CADPS: variants seen among roughly 807,000 people sequenced by gnomAD.
The protein encoded by CADPS is calcium-dependent secretion activator 1.
CADPS carries 57 observed loss-of-function variants against 167.3 expected under a neutral mutation model. The observed-to-expected ratio is 0.34, with a 90% CI of 0.28 to 0.42. The LOEUF (loss-of-function observed/expected upper bound fraction) is 0.42. Ranked by LOEUF, CADPS falls within the 20% of genes least tolerant of loss-of-function variation. CADPS has a pLI of 1.00. For synonymous variants in CADPS, 676 were observed against 635.3 expected (o/e 1.06, Z -0.96); for missense variants, 1,414 against 1,738.1 (o/e 0.81, Z 3.32).
chr3:62,629,240 C>T (rs955540198), intron 6 of CADPS, among the ~76,000 whole-genome samples: 1 of 152,116 alleles, frequency 6.6e-6, no homozygotes, highest in African/African-American at 2.4e-5. Context: ...TAGAATATAA[C>T]CAACAACCCC....
In CADPS at chr3:62,647,985, T is replaced by G. The variant is rs1579562803; in HGVS notation, c.1204-2142A>C. ...CCCAAGGCCTGGCTACTGGGCACCC[T>G]GGACCTTCCTTCCCTCACTGCAAAG... On this transcript the variant is annotated intron_variant, in intron 5 of 29. Transcript: ENST00000383710. Among the ~76,000 whole-genome samples the G allele has an allele frequency of 2.6e-5, 4 of 152,350 alleles. No individual in the cohort carries two copies. In the South Asian group the frequency reaches 8.3e-4, roughly 32 times the overall value.
chr3:62,628,581 T>TACAC (rs3080621), intron 6 of CADPS, among the ~76,000 whole-genome samples: 2,183 of 148,936 alleles, frequency 0.015, 75 homozygotes, highest in Admixed American at 0.074. Context: ...TCTACTCCTT[T>TACAC]ACACACACAC....
intron 3 of CADPS, among the ~76,000 whole-genome samples, chr3:62,704,008 C>T (rs970217048): frequency 6.6e-6 from 1 of 152,094 alleles, no homozygotes; most frequent in African/African-American, 2.4e-5. Context: ...TTAACTCTGA[C>T]TTCATTCCTT....
chr3:62,489,447 G>A (rs1301029779), intron 21 of CADPS, among the ~76,000 whole-genome samples: 4 of 152,132 alleles, frequency 2.6e-5, no homozygotes, highest in Admixed American at 6.5e-5. Context: ...GGCGTGAGCC[G>A]CCGCACCCGG....
intron 6 of CADPS, among the ~76,000 whole-genome samples, chr3:62,599,332 G>C (rs1423448096): frequency 6.6e-6 from 1 of 150,574 alleles, no homozygotes; most frequent in Non-Finnish European, 1.5e-5. Flanking sequence ...ACCAATTATT[G>C]AGTACTTATG....
intron 8 of CADPS, among the ~76,000 whole-genome samples, chr3:62,580,993 G>A (rs1294011656): frequency 6.6e-6 from 1 of 152,178 alleles, no homozygotes; most frequent in African/African-American, 2.4e-5. Flanking sequence ...GTAATTTTAT[G>A]TGGGTCATTT....
chr3:62,807,172 C>G (rs576610629), intron 1 of CADPS, among the ~76,000 whole-genome samples: 1 of 152,222 alleles, frequency 6.6e-6, no homozygotes, highest in South Asian at 2.1e-4. Flanking sequence ...AAACATTAAT[C>G]AGACTTAAAT....
intron 3 of CADPS, among the ~76,000 whole-genome samples, chr3:62,674,466 T>C (rs895989535): frequency 1.3e-5 from 2 of 152,142 alleles, no homozygotes; most frequent in Non-Finnish European, 2.9e-5. Context: ...GTTGCCATTG[T>C]TCAAAGTCAA....
intron 3 of CADPS, among the ~76,000 whole-genome samples, chr3:62,739,299 C>A (rs917422362): frequency 6.6e-5 from 10 of 152,144 alleles, no homozygotes; most frequent in Non-Finnish European, 1.5e-4. Flanking sequence ...TAGAACAAAG[C>A]TTCCTACCAA....
intron 1 of CADPS, chr3:62,814,582 A>G (rs1395041141): frequency 6.6e-6 from 1 of 152,166 alleles, no homozygotes; most frequent in African/African-American, 2.4e-5. Context: ...GCATCTTGGT[A>G]TGGGTTTATA....
intron 17 of CADPS, among the ~76,000 whole-genome samples, chr3:62,512,260 C>A (rs189802010): frequency 6.6e-6 from 1 of 152,228 alleles, no homozygotes; most frequent in Non-Finnish European, 1.5e-5. Flanking sequence ...AGCAACAGCC[C>A]CTGTTCGGTC....
chr3:62,757,300 C>T (rs1564726638), intron 2 of CADPS, among the ~76,000 whole-genome samples: 1 of 152,170 alleles, frequency 6.6e-6, no homozygotes, highest in Non-Finnish European at 1.5e-5. Context: ...TAAAGCCCTT[C>T]CACAGCTGCC....
At position 62,544,588 on chromosome 3, in the gene CADPS, G is replaced by A. The variant is rs749475184; in HGVS notation, c.1966+5315C>T. Among the ~76,000 whole-genome samples, 2 of 152,064 alleles carry A rather than the reference G, an allele frequency of 1.3e-5. No homozygotes were observed. Among genetic ancestry groups the A allele is most frequent in the Non-Finnish European group, 2.9e-5 (2 of 68,000 alleles). On this transcript the variant is annotated intron_variant, in intron 11 of 29. Coordinates refer to ENST00000383710, the MANE Select transcript of CADPS (RefSeq NM_003716.4). The surrounding 1 kb of genome is among the most constrained non-coding windows in gnomAD (Gnocchi z 4.4). ...TTCTTGGAATGAAAAAAAATTAGAC[G>A]TTAATGGTTGGCTTTACTCAGAGGA...
rs1171013844 is a variant in CADPS at position 62,438,263 on chromosome 3, C to A, written c.3670-52G>T. The A allele has an allele frequency of 4.5e-6, 6 of 1,334,838 alleles. No individual in the cohort carries two copies. Among genetic ancestry groups the A allele is most frequent in the Non-Finnish European group, 6.5e-6 (6 of 927,818 alleles). The allele number at this position is 1,334,838 out of a possible 1,614,324, so 82.7% of individuals were successfully genotyped here. ...ACGAATTTTCAGACAGCCACTCTTC[C>A]TTGTTTACCATTCACTTGTACCCTC... is the stretch of plus-strand genomic sequence containing the variant. On this transcript the variant is annotated intron_variant, in intron 27 of 29. Transcript: ENST00000383710. This position sits in a 1 kb window ranked among gnomAD's most constrained non-coding sequence, Gnocchi z 4.7.
intron 3 of CADPS, among the ~76,000 whole-genome samples, chr3:62,687,734 A>ACTT (rs2078325598): frequency 4.7e-5 from 6 of 128,334 alleles, no homozygotes; most frequent in Non-Finnish European, 8.1e-5. Context: ...TTCCCTTCGC[A>ACTT]TTTTTTTTTT....
intron 6 of CADPS, among the ~76,000 whole-genome samples, chr3:62,597,766 G>T (rs974625244): frequency 6.6e-6 from 1 of 152,158 alleles, no homozygotes; most frequent in African/African-American, 2.4e-5. Context: ...CTTCCACCAG[G>T]CCTGCAGCTG....
Position 62,516,586 on chromosome 3 carries a change from C to A in CADPS, c.2451G>T (p.Leu817Phe). 6.2e-7 allele frequency: 1 copy of A among 1,601,052 alleles called. No individual in the cohort carries two copies. Among genetic ancestry groups the A allele is most frequent in the South Asian group, 1.1e-5 (1 of 89,374 alleles). Residue 817 changes from leucine to phenylalanine, a missense_variant, in exon 15 of 30, where the codon TTG (leucine) becomes TTT (phenylalanine). By Grantham distance (22) the Leu-to-Phe change is conservative (BLOSUM62 0). This residue lies in a region of CADPS where 529 missense variants were observed against 629.6 expected (regional missense o/e 0.84). Coordinates refer to ENST00000383710, the MANE Select transcript of CADPS (RefSeq NM_003716.4). ...CTTTTACTTTCATTCTTACCCTTTC[C>A]AAGAGTGAGAGAGTAGCTTTCAAAG... ...EGALKATLSL[L>F]ERVLMKDIVT...
At chr3:62,589,240 C>T (rs1418962150) in intron 7 of CADPS, among the ~76,000 whole-genome samples, 1 of 152,210 alleles carries the variant, frequency 6.6e-6, no homozygotes, top group East Asian at 1.9e-4. Context: ...AGTGTGGCTT[C>T]ACTGCACTCT....
chr3:62,406,346 A>G (rs1297513717), intron 28 of CADPS, among the ~76,000 whole-genome samples: 1 of 152,150 alleles, frequency 6.6e-6, no homozygotes, highest in Non-Finnish European at 1.5e-5. Flanking sequence ...CGGGGCTCAC[A>G]GTGCTTATTA....
Sources: gnomAD v4.1 joint callset for allele counts (sites outside exome capture counted in the v4.1 genomes callset) on GRCh38, gnomAD v4.1.1 for gene constraint, gnomAD v4.1.1 regional missense constraint, Gnocchi (gnomAD v3.1) non-coding constraint, MANE v1.5 for transcripts, NCBI Gene and HGNC (gene_info 2026-07-23, HGNC 2026-07-21) for gene names.